Variants in SYNE1 observed in about 807,000 individuals in gnomAD.
The protein encoded by SYNE1 is spectrin repeat containing nuclear envelope protein 1.
SYNE1 carries 616 observed loss-of-function variants against 1,111.0 expected under a neutral mutation model. The ratio of observed to expected loss-of-function variants is 0.55; its 90% CI spans 0.52 to 0.59. The LOEUF is 0.59. SYNE1 is among the 20% of genes least tolerant of loss of function. SYNE1 has a pLI of 0.00. For synonymous variants in SYNE1, 3,855 were observed against 3,825.8 expected, an observed-to-expected ratio of 1.01 and a Z score of -0.28; for missense variants, 10,006 against 10,417.0, an observed-to-expected ratio of 0.96 and a Z score of 1.72.
At chr6:152,301,562 A>G (rs960311269) in intron 92 of SYNE1, among the ~76,000 whole-genome samples, 5 of 152,210 alleles carry the variant, frequency 3.3e-5, no homozygotes, top group African/African-American at 1.2e-4. Flanking sequence ...GTGCAAGTAA[A>G]TTATTGTTTA....
chr6:152,442,542 C>G (rs2154234545), intron 30 of SYNE1, among the ~76,000 whole-genome samples: 1 of 152,340 alleles, frequency 6.6e-6, no homozygotes, highest in Admixed American at 6.5e-5. Context: ...TCTGGCAAAA[C>G]AATTCATCTG....
In SYNE1 at chr6:152,453,627, C is replaced by T. The variant is rs2098669795; in HGVS notation, c.2986G>A (p.Gly996Arg). ...AGCTTTCGAACAGCTTCCTGCAGCC[C>T]CTGCTGCTCCTGCTCTGGAAGGATG... The part of the protein sequence containing the change: ...TDILPEQEQQ[G>R]LQEAVRKLHK... Residue 996 changes from glycine to arginine, a missense_variant, in exon 25 of 146, where the codon GGG becomes AGG. Coordinates refer to ENST00000367255, the MANE Select transcript of SYNE1 (RefSeq NM_182961.4). The T allele has an allele frequency of 6.2e-7, 1 of 1,614,052 alleles. No homozygotes were observed. The highest frequency in any genetic ancestry group is 8.5e-7 in the Non-Finnish European group (1 of 1,180,050).
chr6:152,621,984 G>A (rs1233417649), intron 3 of SYNE1, among the ~76,000 whole-genome samples: 3 of 152,134 alleles, frequency 2.0e-5, no homozygotes, highest in Non-Finnish European at 4.4e-5. Context: ...GATTTAATTG[G>A]TTAATTGCCT....
chr6:152,150,870 G>A (rs910381108), intron 135 of SYNE1, among the ~76,000 whole-genome samples: 1 of 152,262 alleles, frequency 6.6e-6, no homozygotes, highest in African/African-American at 2.4e-5. Context: ...GGAGGTTAAA[G>A]GAACCATGTG....
chr6:152,168,406 C>T (rs1330650795), intron 130 of SYNE1: 1 of 552,628 alleles, frequency 1.8e-6, no homozygotes, highest in Non-Finnish European at 3.2e-6. Flanking sequence ...TTAACATGTG[C>T]CAGGCTTGAT....
At chr6:152,307,522 A>G (rs1338638361) in intron 91 of SYNE1, among the ~76,000 whole-genome samples, 1 of 152,214 alleles carries the variant, frequency 6.6e-6, no homozygotes, top group Non-Finnish European at 1.5e-5. Flanking sequence ...TCACAGTGCT[A>G]TGAACCAGCC....
At chr6:152,496,779 C>T (rs1007836932) in intron 11 of SYNE1, among the ~76,000 whole-genome samples, 22 of 152,110 alleles carry the variant, frequency 1.4e-4, no homozygotes, top group Admixed American at 5.9e-4. Context: ...CAAGTCTGCA[C>T]GTATACATTC....
chr6:152,318,428 G>A (rs2153900425), intron 85 of SYNE1, 165 bp from the exon 86 acceptor site: 1 of 766,456 alleles, frequency 1.3e-6, no homozygotes, highest in Admixed American at 2.2e-5. Flanking sequence ...GGAAAGGCAG[G>A]GCAGGATATG....
rs543305958 is a variant in SYNE1, at chr6:152,378,409, G to A, written c.9010-1497C>T. Among the ~76,000 whole-genome samples, 5 of 152,302 alleles carry A rather than the reference G, an allele frequency of 3.3e-5. No individual in the cohort carries two copies. In the East Asian group the frequency reaches 9.6e-4, roughly 29 times the overall value. ...TGTCCCCCGCTGATGTCAATCAGAAGATTAAGCATCATCCGGGCCTCTCCC... is the reference window on the plus strand; with the variant it reads ...TGTCCCCCGCTGATGTCAATCAGAAAATTAAGCATCATCCGGGCCTCTCCC... On this transcript the variant is annotated intron_variant, in intron 56 of 145. Transcript: ENST00000367255.
intron 100 of SYNE1, among the ~76,000 whole-genome samples, chr6:152,265,657 C>A (rs1038655538): frequency 6.6e-6 from 1 of 152,106 alleles, no homozygotes; most frequent in Non-Finnish European, 1.5e-5. Context: ...ACGTACAACA[C>A]CAGTAGCAAA....
At chr6:152,141,126 A>C in intron 139 of SYNE1, 77 bp downstream of exon 139, 5 of 1,601,890 alleles carry the variant, frequency 3.1e-6, no homozygotes, top group Non-Finnish European at 4.3e-6. Flanking sequence ...AAGCCCCCTA[A>C]GTGGAATTTC....
At chr6:152,125,570 A>T (rs1400767830) in intron 145 of SYNE1, 5 of 515,664 alleles carry the variant, frequency 9.7e-6, no homozygotes, top group African/African-American at 3.8e-5. Flanking sequence ...TCTTCAAAAC[A>T]TCCTTCCCCT....
At position 152,174,951 on chromosome 6, in the gene SYNE1, C is replaced by T. The variant is rs188737489; in HGVS notation, c.23627+1443G>A. 1.3e-3 allele frequency among the ~76,000 whole-genome samples: 204 copies of T among 152,280 alleles called. No homozygotes were observed. In the East Asian group the frequency reaches 0.019, roughly 14 times the overall value. On this transcript the variant is annotated intron_variant, in intron 130 of 145. Coordinates refer to ENST00000367255, the MANE Select transcript of SYNE1 (RefSeq NM_182961.4). Reference sequence around the variant, plus strand: ...GCTCACACCTGTAACCCCAGCACTTCGGGAGGCCGAGGCGGGTGGCTCACC... The same window carrying T: ...GCTCACACCTGTAACCCCAGCACTTTGGGAGGCCGAGGCGGGTGGCTCACC...
chr6:152,309,897 G>T lies in SYNE1; in HGVS notation c.17140C>A (p.Arg5714=). 1.2e-6 allele frequency: 2 copies of T among 1,614,086 alleles called. No homozygotes were observed. The highest frequency in any genetic ancestry group is 1.1e-5 in the South Asian group (1 of 91,082). The change falls in exon 90 of 146, where the codon CGG becomes AGG. Residue 5714 remains arginine (R), a synonymous_variant. Coordinates refer to ENST00000367255, the MANE Select transcript of SYNE1 (RefSeq NM_182961.4). ...ASLPLCHAAL[R]LQEEASRLQH... ...AGCCGGCTGGCCTCTTCCTGCAGCC[G>T]CAGAGCAGCATGACAGAGAGGTAAG... is the stretch of plus-strand genomic sequence containing the variant.
chr6:152,135,993 T>C (rs1349645478), intron 141 of SYNE1, among the ~76,000 whole-genome samples: 1 of 152,186 alleles, frequency 6.6e-6, no homozygotes, highest in Non-Finnish European at 1.5e-5. Context: ...GACTTTCCAT[T>C]TATTATATTA....
At chr6:152,375,825 T>C (rs2097270257) in intron 58 of SYNE1, among the ~76,000 whole-genome samples, 1 of 152,240 alleles carries the variant, frequency 6.6e-6, no homozygotes, top group Non-Finnish European at 1.5e-5. Flanking sequence ...TGGATCACCA[T>C]TAATATATAA....
chr6:152,326,208 C>G (rs548459346), intron 79 of SYNE1, 88 bp downstream of exon 79: 1 of 1,610,886 alleles, frequency 6.2e-7, no homozygotes, highest in Non-Finnish European at 8.5e-7. Flanking sequence ...AATGAATTTA[C>G]GTGCTAATGT....
At chr6:152,601,773 G>T (rs1012016158) in intron 3 of SYNE1, among the ~76,000 whole-genome samples, 2 of 152,200 alleles carry the variant, frequency 1.3e-5, no homozygotes, top group African/African-American at 4.8e-5. Flanking sequence ...TGGTTCCTAA[G>T]ATGAGATCCC....
intron 116 of SYNE1, among the ~76,000 whole-genome samples, chr6:152,225,231 A>T (rs1447605264): frequency 1.3e-5 from 2 of 151,646 alleles, no homozygotes; most frequent in African/African-American, 4.9e-5. Context: ...CAGAAAGTGA[A>T]ATCTATCTAT....
Sources: gnomAD v4.1 joint callset for allele counts (sites outside exome capture counted in the v4.1 genomes callset) on GRCh38, gnomAD v4.1.1 for gene constraint, MANE v1.5 for transcripts, NCBI Gene and HGNC (gene_info 2026-07-23, HGNC 2026-07-21) for gene names.